DMD: variants seen among roughly 807,000 people sequenced by gnomAD.
DMD encodes dystrophin, also known as mutant dystrophin.
DMD carries 63 observed loss-of-function variants against 330.1 expected under a neutral mutation model. The observed-to-expected ratio is 0.19, with a 90% CI of 0.16 to 0.24. DMD has a LOEUF of 0.24. Among genes scored for constraint, DMD ranks in the 10% least tolerant of loss-of-function variants. The pLI, the probability that DMD is intolerant of heterozygous loss-of-function variation, is 1.00. For synonymous variants in DMD, 1,223 were observed against 959.8 expected (o/e 1.27, Z -5.07); for missense variants, 3,344 against 2,684.1 (o/e 1.25, Z -5.43).
chrX:32,809,863 T>A (rs1603432304), intron 6 of DMD, among the ~76,000 whole-genome samples: 4 of 98,918 alleles, frequency 4.0e-5, no homozygotes, highest in Admixed American at 1.2e-4. Flanking sequence ...GGGCAGATCC[T>A]TTGAGCCCAG....
intron 7 of DMD, among the ~76,000 whole-genome samples, chrX:32,721,785 CCT>C (rs755638152): frequency 8.9e-4 from 98 of 110,463 alleles, no homozygotes; most frequent in African/African-American, 2.8e-3. Flanking sequence ...AGAGCTTTTT[CCT>C]CTCTGTTTTC....
chrX:32,888,314 G>A (rs2084866912), intron 2 of DMD, among the ~76,000 whole-genome samples: 2 of 108,963 alleles, frequency 1.8e-5, no homozygotes, highest in Middle Eastern at 4.3e-3. Flanking sequence ...TGCTCCCTAC[G>A]CCCCCACCCC....
At chrX:32,700,824 T>A (rs893642634) in intron 7 of DMD, among the ~76,000 whole-genome samples, 3 of 111,711 alleles carry the variant, frequency 2.7e-5, no homozygotes, top group Non-Finnish European at 3.8e-5. Flanking sequence ...GTATTCAGTA[T>A]GTATATTCTG....
chrX:32,866,682 A>G (rs1182379087), intron 2 of DMD, among the ~76,000 whole-genome samples: 1 of 92,693 alleles, frequency 1.1e-5, no homozygotes, highest in Non-Finnish European at 2.0e-5. Context: ...AATTTTTTAA[A>G]TACAGTGTCA....
rs1455197529 is a variant in DMD, at chrX:32,252,885, TATAA to T, written c.6290+34640_6290+34643del. ...AAATATATAAATATATAAAAATATA[TATAA>T]ATATATATAAATATATACATAAATA... On this transcript the variant is annotated intron_variant, in intron 43 of 78. Transcript: ENST00000357033. 1.4e-4 allele frequency among the ~76,000 whole-genome samples: 11 copies of T among 79,661 alleles called. No individual in the cohort carries two copies. In the East Asian group the frequency reaches 1.4e-3, roughly 10 times the overall value. 69.2% of individuals were successfully genotyped at this position (79,661 alleles called of 115,157 possible).
intron 47 of DMD, among the ~76,000 whole-genome samples, chrX:31,909,633 G>T (rs986480600): frequency 3.6e-5 from 4 of 110,924 alleles, no homozygotes; most frequent in South Asian, 3.8e-4. Context: ...ACCAATAGAC[G>T]CATTAAGTCA....
chrX:33,034,046 A>T (rs968453197), intron 1 of DMD, among the ~76,000 whole-genome samples: 1 of 111,341 alleles, frequency 9.0e-6, no homozygotes, highest in Non-Finnish European at 1.9e-5. Context: ...CTATATATAC[A>T]TATGTATTCA....
In DMD at chrX:31,346,224, C is replaced by T. The variant is rs963482712; in HGVS notation, c.9163+2332G>A. On this transcript the variant is annotated intron_variant, in intron 61 of 78. Transcript: ENST00000357033. ...AACTTCTTGAGTTTCAATCCTGGCT[C>T]CCTCATCTACTAGCTGTATGAATGT... is the stretch of plus-strand genomic sequence containing the variant. Among the ~76,000 whole-genome samples the T allele has an allele frequency of 3.6e-5, 4 of 111,570 alleles. No individual in the cohort carries two copies. In the Admixed American group the frequency reaches 3.8e-4, roughly 11 times the overall value.
intron 44 of DMD, among the ~76,000 whole-genome samples, chrX:32,105,947 C>T (rs970718622): frequency 5.4e-5 from 6 of 111,491 alleles, no homozygotes; most frequent in Non-Finnish European, 7.6e-5. Context: ...CTTTTTCTCC[C>T]GAAATAATGT....
At chrX:32,444,112 G>C (rs1569562692) in intron 27 of DMD, among the ~76,000 whole-genome samples, 1 of 110,719 alleles carries the variant, frequency 9.0e-6, no homozygotes, top group East Asian at 2.9e-4. Context: ...CTTGAGATGG[G>C]AAATGAGGCA....
At chrX:32,108,248 C>A (rs2096573731) in intron 44 of DMD, among the ~76,000 whole-genome samples, 1 of 110,165 alleles carries the variant, frequency 9.1e-6, no homozygotes, top group African/African-American at 3.4e-5. Context: ...CTTACATGTT[C>A]AACAAGGTAA....
intron 54 of DMD, among the ~76,000 whole-genome samples, chrX:31,649,310 T>C (rs1423121212): frequency 8.9e-6 from 1 of 111,779 alleles, no homozygotes; most frequent in South Asian, 3.7e-4. Context: ...ACTGTAGGAC[T>C]GGGTTAGAAT....
chrX:32,226,992 G>T (rs2097150106), intron 43 of DMD, among the ~76,000 whole-genome samples: 1 of 107,919 alleles, frequency 9.3e-6, no homozygotes. Flanking sequence ...ATCCTAAAAA[G>T]AATACACTTT....
In DMD at chrX:31,358,146, A is replaced by C. The variant is rs145986993; in HGVS notation, c.9085-9512T>G. Reference sequence around the variant, plus strand: ...CTCATTCCCCCTCACCCCACCCCCAAGGCTGTTTGTAAGCTCCCCAAATGC... The same window carrying C: ...CTCATTCCCCCTCACCCCACCCCCACGGCTGTTTGTAAGCTCCCCAAATGC... On this transcript the variant is annotated intron_variant, in intron 60 of 78. Coordinates refer to ENST00000357033, the MANE Select transcript of DMD (RefSeq NM_004006.3). Among the ~76,000 whole-genome samples the C allele has an allele frequency of 6.8e-3, 703 of 103,339 alleles. 8 individuals carry two copies. The highest frequency in any genetic ancestry group is 0.024 in the African/African-American group (660 of 27,828). 89.7% of individuals were successfully genotyped at this position (103,339 alleles called of 115,157 possible).
chrX:32,873,473 A>G (rs903594648), intron 2 of DMD, among the ~76,000 whole-genome samples: 1 of 111,202 alleles, frequency 9.0e-6, no homozygotes, highest in East Asian at 2.8e-4. Context: ...CCAAGTGTAC[A>G]GAGGACTACA....
intron 2 of DMD, among the ~76,000 whole-genome samples, chrX:32,954,199 T>C (rs2091433349): frequency 8.9e-6 from 1 of 111,943 alleles, no homozygotes; most frequent in Admixed American, 9.5e-5. Context: ...CAGGTTCCTT[T>C]CACCTCAAGC....
intron 23 of DMD, among the ~76,000 whole-genome samples, chrX:32,466,759 T>C (rs2040069809): frequency 9.0e-6 from 1 of 111,132 alleles, no homozygotes. Flanking sequence ...GATGGGGACA[T>C]GAGACAAGGA....
At chrX:33,089,122 G>T (rs6631734) in intron 1 of DMD, among the ~76,000 whole-genome samples, 37,242 of 99,161 alleles carry the variant, frequency 0.38, 6,461 homozygotes, top group East Asian at 0.84. Context: ...CTGGAGTGCA[G>T]TGTCACGATC....
intron 44 of DMD, among the ~76,000 whole-genome samples, chrX:32,080,312 A>C (rs1049172955): frequency 1.8e-5 from 2 of 112,371 alleles, no homozygotes; most frequent in Admixed American, 9.5e-5. Context: ...AATTACAGAC[A>C]AAGGTTTGTC....
Sources: gnomAD v4.1 joint callset for allele counts (sites outside exome capture counted in the v4.1 genomes callset) on GRCh38, gnomAD v4.1.1 for gene constraint, MANE v1.5 for transcripts, NCBI Gene and HGNC (gene_info 2026-07-23, HGNC 2026-07-21) for gene names.